Variants in TECRL observed in about 807,000 individuals in gnomAD.
The protein encoded by TECRL is trans-2,3-enoyl-CoA reductase like.
In TECRL, 63 loss-of-function variants were observed where a neutral mutation model predicts 52.8. The ratio of observed to expected loss-of-function variants is 1.19; its 90% CI spans 0.97 to 1.47. The LOEUF (loss-of-function observed/expected upper bound fraction) is 1.47. TECRL is among the 40% of genes most tolerant of loss of function. TECRL has a pLI of 0.00. For synonymous variants in TECRL, 164 were observed against 141.9 expected (o/e 1.16, Z -1.10); for missense variants, 482 against 429.6 (o/e 1.12, Z -1.08).
At chr4:64,387,659 C>T (rs761361307) in intron 1 of TECRL, among the ~76,000 whole-genome samples, 29 of 151,964 alleles carry the variant, frequency 1.9e-4, no homozygotes, top group Non-Finnish European at 4.3e-4. Flanking sequence ...TGTAGAGTCT[C>T]TTTTTGTATA....
chr4:64,288,357 C>T (rs944282242), intron 9 of TECRL, among the ~76,000 whole-genome samples: 2 of 152,046 alleles, frequency 1.3e-5, no homozygotes, highest in African/African-American at 4.8e-5. Flanking sequence ...ATCATCAAAG[C>T]TGATCCTCTT....
intron 2 of TECRL, among the ~76,000 whole-genome samples, chr4:64,335,920 G>C (rs1297361837): frequency 6.6e-6 from 1 of 152,096 alleles, no homozygotes; most frequent in Non-Finnish European, 1.5e-5. Flanking sequence ...CGGTTTGCCA[G>C]TATTTTATTG....
intron 2 of TECRL, among the ~76,000 whole-genome samples, chr4:64,351,586 T>A (rs1720391736): frequency 6.6e-6 from 1 of 152,150 alleles, no homozygotes; most frequent in Admixed American, 6.5e-5. Flanking sequence ...GGGACAACTT[T>A]AAATTTTCCC....
intron 2 of TECRL, among the ~76,000 whole-genome samples, chr4:64,330,463 G>C (rs763293031): frequency 5.9e-4 from 90 of 152,034 alleles, no homozygotes; most frequent in Admixed American, 1.8e-3. Flanking sequence ...CATTATAATA[G>C]GAGTAAAATA....
chr4:64,299,873 TATATC>T (rs1425548918), intron 8 of TECRL, 96 bp downstream of exon 8: 3 of 474,402 alleles, frequency 6.3e-6, no homozygotes, highest in South Asian at 9.3e-5. Flanking sequence ...TATATAAATA[TATATC>T]ATATTTTCTA....
chr4:64,356,647 G>A (rs976755533), intron 2 of TECRL, among the ~76,000 whole-genome samples: 1 of 152,062 alleles, frequency 6.6e-6, no homozygotes, highest in Non-Finnish European at 1.5e-5. Flanking sequence ...TTATCACCCT[G>A]CTCTCCTACC....
At chr4:64,352,401 T>C (rs1468903259) in intron 2 of TECRL, among the ~76,000 whole-genome samples, 1 of 152,160 alleles carries the variant, frequency 6.6e-6, no homozygotes, top group East Asian at 1.9e-4. Flanking sequence ...AGTGGATAGA[T>C]AGATTAGACA....
chr4:64,327,245 A>G (rs77265794), intron 3 of TECRL, among the ~76,000 whole-genome samples: 3,541 of 152,102 alleles, frequency 0.023, 55 homozygotes, highest in Non-Finnish European at 0.037. Context: ...GGACACTGCG[A>G]CAACTATATT....
At chr4:64,295,234 A>G (rs1039793282) in intron 8 of TECRL, among the ~76,000 whole-genome samples, 21 of 151,458 alleles carry the variant, frequency 1.4e-4, no homozygotes, top group Admixed American at 1.3e-3. Context: ...AAATAATGGT[A>G]AGACTCTAAA....
chr4:64,400,134 A>G (rs1655138744), intron 1 of TECRL, among the ~76,000 whole-genome samples: 1 of 152,228 alleles, frequency 6.6e-6, no homozygotes, highest in Non-Finnish European at 1.5e-5. Context: ...TTGGGAGCTC[A>G]CTTTATCAAA....
downstream of TECRL, chr4:64,276,906 T>A (rs1722594135): frequency 3.4e-6 from 2 of 590,550 alleles, no homozygotes; most frequent in Non-Finnish European, 5.7e-6. Flanking sequence ...TAGTAACTCC[T>A]AAAACCTGTA....
In TECRL at chr4:64,409,173, A is replaced by C; in HGVS notation, c.179T>G (p.Phe60Cys). 4 of 1,613,694 alleles carry C rather than the reference A, an allele frequency of 2.5e-6. No homozygotes were observed. The highest frequency in any genetic ancestry group is 1.1e-5 in the South Asian group (1 of 91,074). The change falls in exon 1 of 12, where the codon TTT becomes TGT. Residue 60 changes from phenylalanine to cysteine, a missense_variant. By Grantham distance (205) the Phe-to-Cys change is radical. Coordinates refer to ENST00000381210, the MANE Select transcript of TECRL (RefSeq NM_001010874.5). Reference protein sequence around the residue: ...PAVKHSKTTHFEIEIFDAQTR... With the variant: ...PAVKHSKTTHCEIEIFDAQTR... ...TTGAGCATCAAATATTTCAATCTCA[A>C]AGTGAGTCGTTTTTGAATGTTTGAC... is the stretch of plus-strand genomic sequence containing the variant.
At chr4:64,374,079 A>ATATATATATT (rs1343885987) in intron 2 of TECRL, among the ~76,000 whole-genome samples, 70 of 96,704 alleles carry the variant, frequency 7.2e-4, no homozygotes, top group East Asian at 3.9e-3. Flanking sequence ...ATATATATAT[A>ATATATATATT]TATTTATCTT....
intron 1 of TECRL, among the ~76,000 whole-genome samples, chr4:64,386,042 T>G (rs1723158118): frequency 6.6e-6 from 1 of 152,160 alleles, no homozygotes; most frequent in Non-Finnish European, 1.5e-5. Context: ...ATTCAATCCT[T>G]CCTTGTATAG....
chr4:64,319,657 G>A (rs1717758393), intron 4 of TECRL, among the ~76,000 whole-genome samples: 1 of 151,866 alleles, frequency 6.6e-6, no homozygotes, highest in East Asian at 1.9e-4. Context: ...AATATTCATT[G>A]CAGCTTTATT....
At chr4:64,368,844 C>T (rs1190333031) in intron 2 of TECRL, among the ~76,000 whole-genome samples, 2 of 152,116 alleles carry the variant, frequency 1.3e-5, no homozygotes, top group Admixed American at 1.3e-4. Context: ...GCTCTGCTAT[C>T]TTTGTCCTGA....
At chr4:64,390,933 A>C (rs936383211) in intron 1 of TECRL, among the ~76,000 whole-genome samples, 1 of 151,902 alleles carries the variant, frequency 6.6e-6, no homozygotes, top group African/African-American at 2.4e-5. Flanking sequence ...TAGAAAGTTC[A>C]TATCACTAAT....
chr4:64,357,848 G>T (rs1434205534), intron 2 of TECRL, among the ~76,000 whole-genome samples: 1 of 151,556 alleles, frequency 6.6e-6, no homozygotes, highest in East Asian at 1.9e-4. Flanking sequence ...GAGGAGGAAA[G>T]TATCTGTTAC....
intron 8 of TECRL, among the ~76,000 whole-genome samples, chr4:64,295,181 C>A (rs573574575): frequency 6.6e-5 from 10 of 151,194 alleles, no homozygotes; most frequent in Admixed American, 3.3e-4. Context: ...TGGGTTTAAC[C>A]AAAAATACAT....
Sources: gnomAD v4.1 joint callset for allele counts (sites outside exome capture counted in the v4.1 genomes callset) on GRCh38, gnomAD v4.1.1 for gene constraint, MANE v1.5 for transcripts, NCBI Gene and HGNC (gene_info 2026-07-23, HGNC 2026-07-21) for gene names.